ACMSD: variants seen among roughly 807,000 people sequenced by gnomAD.
ACMSD encodes 2-amino-3-carboxymuconate-6-semialdehyde decarboxylase.
ACMSD carries 37 observed loss-of-function variants against 45.9 expected under a neutral mutation model. The observed-to-expected ratio is 0.81, with a 90% CI of 0.62 to 1.06. The LOEUF (loss-of-function observed/expected upper bound fraction) is 1.06, where lower values mean the gene tolerates loss of function less well. ACMSD is among the 50% of genes least tolerant of loss of function. The pLI is 0.00. For synonymous variants in ACMSD, 138 were observed against 148.8 expected (o/e 0.93, Z 0.53); for missense variants, 434 against 420.9 (o/e 1.03, Z -0.27).
chr2:134,892,513 A>G (rs1228879133), intron 8 of ACMSD, among the ~76,000 whole-genome samples: 3 of 152,008 alleles, frequency 2.0e-5, no homozygotes, highest in Non-Finnish European at 4.4e-5. Context: ...CCCTGTGGAC[A>G]GGAGCTGAGA....
chr2:134,841,001 G>GA (rs1190102651), intron 1 of ACMSD, among the ~76,000 whole-genome samples: 1 of 152,178 alleles, frequency 6.6e-6, no homozygotes, highest in Admixed American at 6.5e-5. Context: ...TTATGAGTGA[G>GA]AACATATGAT....
intron 7 of ACMSD, among the ~76,000 whole-genome samples, chr2:134,871,722 A>G (rs1311790374): frequency 7.2e-6 from 1 of 138,588 alleles, no homozygotes; most frequent in African/African-American, 2.7e-5. Flanking sequence ...CAATCAAACT[A>G]CACATGTTAC....
intron 8 of ACMSD, among the ~76,000 whole-genome samples, chr2:134,895,466 A>AC: frequency 6.6e-6 from 1 of 150,866 alleles, no homozygotes; most frequent in Non-Finnish European, 1.5e-5. Flanking sequence ...AACTGGCAAT[A>AC]CCCCCCAAAT....
At chr2:134,871,231 A>G (rs1411689446) in intron 7 of ACMSD, among the ~76,000 whole-genome samples, 171 bp downstream of exon 7, 2 of 152,162 alleles carry the variant, frequency 1.3e-5, no homozygotes, top group Non-Finnish European at 2.9e-5. Context: ...TAGCTTGCAC[A>G]TGGCCACCTT....
Position 134,852,974 on chromosome 2 carries a change from C to T in ACMSD, c.103-6287C>T, listed in dbSNP as rs181951051. On this transcript the variant is annotated intron_variant, in intron 2 of 9. Transcript: ENST00000356140. ...GGTCAGGAGTTTGAGACCAGCCTGG[C>T]CATCATGGTGAAACCCCGTCTCTAC... Among the ~76,000 whole-genome samples, 407 of 151,998 alleles carry T rather than the reference C, an allele frequency of 2.7e-3. 3 individuals are homozygous for T. Among genetic ancestry groups the T allele is most frequent in the African/African-American group, 9.5e-3 (395 of 41,496 alleles).
At position 134,871,047 on chromosome 2, in the gene ACMSD, T is replaced by C. The variant is rs1319473191; in HGVS notation, c.663T>C (p.Cys221=). The C allele has an allele frequency of 6.2e-7, 1 of 1,614,088 alleles. No homozygotes were observed. The highest frequency in any genetic ancestry group is 1.7e-5 in the Admixed American group (1 of 60,018). Residue 221 remains cysteine, a synonymous_variant, in exon 7 of 10, where the codon TGT becomes TGC. Transcript: ENST00000356140. Reference sequence around the variant, plus strand: ...AGAAGTTTCCCAAACTGAAAGTGTGTTTCGCACATGGTGGTAAGACCCTAT... The same window carrying C: ...AGAAGTTTCCCAAACTGAAAGTGTGCTTCGCACATGGTGGTAAGACCCTAT... ...VFEKFPKLKV[C]FAHGGGAFPF...
rs115187546 is a variant in ACMSD at position 134,871,763 on chromosome 2, T to C, written c.676+703T>C. Among the ~76,000 whole-genome samples the C allele has an allele frequency of 8.0e-3, 1,217 of 151,468 alleles. 13 individuals carry two copies. The highest frequency in any genetic ancestry group is 0.027 in the African/African-American group (1,100 of 41,228). The stretch of plus-strand genomic sequence containing the variant: ...AACATGCCTTTCCTCCTCAACAGCA[T>C]AGAGAAGACATCTTTCCAGGTCAAC... On this transcript the variant is annotated intron_variant, in intron 7 of 9. Coordinates refer to ENST00000356140, the MANE Select transcript of ACMSD (RefSeq NM_138326.3).
intron 2 of ACMSD, among the ~76,000 whole-genome samples, chr2:134,848,833 G>C (rs1028424069): frequency 1.2e-4 from 18 of 152,106 alleles, no homozygotes; most frequent in African/African-American, 4.3e-4. Flanking sequence ...TGAAGTCTTT[G>C]CCCATGCCTA....
chr2:134,901,823 T>C lies in ACMSD; in HGVS notation c.974T>C (p.Leu325Pro), dbSNP rs778126544. Residue 325 changes from leucine (L) to proline (P), a missense_variant, in exon 10 of 10, where the codon CTG becomes CCG. Coordinates refer to ENST00000356140, the MANE Select transcript of ACMSD (RefSeq NM_138326.3). ...TKNKLKAGNA[L>P]AFLGLERKQF... ...AATAAACTCAAAGCCGGCAATGCCC[T>C]GGCATTTTTGGGTCTTGAGAGAAAA... 2.4e-5 allele frequency: 38 copies of C among 1,601,490 alleles called. No individual in the cohort carries two copies. The highest frequency in any genetic ancestry group is 3.2e-5 in the Non-Finnish European group (37 of 1,172,040).
intron 6 of ACMSD, among the ~76,000 whole-genome samples, chr2:134,868,641 C>G (rs545142022): frequency 7.2e-5 from 11 of 151,872 alleles, no homozygotes; most frequent in African/African-American, 2.7e-4. Context: ...TCAGTAGAAA[C>G]AGGGTTTCAC....
At chr2:134,873,205 T>G (rs567984828) in intron 8 of ACMSD, 22 of 154,792 alleles carry the variant, frequency 1.4e-4, no homozygotes, top group African/African-American at 5.3e-4. Flanking sequence ...TGGAATAATA[T>G]GGCTTTTGAT....
intron 8 of ACMSD, among the ~76,000 whole-genome samples, chr2:134,884,589 C>T (rs547261861): frequency 1.1e-3 from 174 of 152,212 alleles, no homozygotes; most frequent in South Asian, 0.01. Context: ...AAATGAACTT[C>T]CAGTGAATAC....
chr2:134,863,467 C>T lies in ACMSD; in HGVS notation c.322C>T (p.Pro108Ser), dbSNP rs1687938881. 4 of 1,614,088 alleles carry T rather than the reference C, an allele frequency of 2.5e-6. No homozygotes were observed. Among genetic ancestry groups the T allele is most frequent in the South Asian group, 1.1e-5 (1 of 91,088 alleles). The change falls in exon 5 of 10, where the codon CCC (proline) becomes TCC (serine). Residue 108 changes from proline to serine, a missense_variant. Pro to Ser is a moderately conservative substitution (Grantham distance 74). Transcript: ENST00000356140. ...CCTTGCCAGCACCGTTGTGAGCTAC[C>T]CCAGGAGGTTCGTGGGTCTGGGGAC... ...NDLASTVVSYPRRFVGLGTLP... is the reference protein window; with the variant it reads ...NDLASTVVSYSRRFVGLGTLP...
intron 1 of ACMSD, among the ~76,000 whole-genome samples, chr2:134,842,200 G>A (rs138066190): frequency 1.3e-5 from 2 of 152,058 alleles, no homozygotes; most frequent in African/African-American, 4.8e-5. Flanking sequence ...CCACTCCCAG[G>A]GTCATAAATT....
chr2:134,895,358 A>AT (rs1690071127), intron 8 of ACMSD, among the ~76,000 whole-genome samples: 2 of 145,048 alleles, frequency 1.4e-5, no homozygotes, highest in Non-Finnish European at 3.0e-5. Context: ...TAACATATAT[A>AT]ATATATATAT....
intron 6 of ACMSD, among the ~76,000 whole-genome samples, chr2:134,868,105 CGAT>C (rs1195667296): frequency 6.6e-6 from 1 of 152,094 alleles, no homozygotes; most frequent in Non-Finnish European, 1.5e-5. Context: ...ATTTTTTAGA[CGAT>C]GATAATAGCA....
intron 2 of ACMSD, among the ~76,000 whole-genome samples, chr2:134,847,624 G>A (rs1423962991): frequency 5.9e-5 from 9 of 152,084 alleles, no homozygotes; most frequent in East Asian, 3.9e-4. Flanking sequence ...CCCATCCCCC[G>A]ACAGGCCATG....
At chr2:134,861,945 G>A (rs1441779084) in intron 3 of ACMSD, 24 bp from the exon 4 acceptor site, 1 of 1,613,984 alleles carries the variant, frequency 6.2e-7, no homozygotes, top group Admixed American at 1.7e-5. Flanking sequence ...CACCAGCTTT[G>A]CCCTTCTTTG....
In ACMSD at chr2:134,898,189, T is replaced by C. The variant is rs182224630; in HGVS notation, c.850-152T>C. ...AATAAAATTTGAACCATTAAATCTT[T>C]TTAAAATTTTAGACAAGTTTTATGT... On this transcript the variant is annotated intron_variant, in intron 8 of 9. Coordinates refer to ENST00000356140, the MANE Select transcript of ACMSD (RefSeq NM_138326.3). 1.4e-3 allele frequency: 700 copies of C among 490,694 alleles called. 9 individuals are homozygous for C. The Middle Eastern group carries it at 0.03, about 21-fold the overall frequency. The allele number at this position is 490,694 out of a possible 1,614,324, so 30.4% of individuals were successfully genotyped here.
Sources: allele counts gnomAD v4.1 joint callset (sites outside exome capture counted in the v4.1 genomes callset), GRCh38; gene constraint gnomAD v4.1.1; transcripts MANE v1.5; gene names NCBI Gene and HGNC (gene_info 2026-07-23, HGNC 2026-07-21).